The following SLC38A9 variants were observed in gnomAD, a reference collection of about 807,000 sequenced individuals.
The protein encoded by SLC38A9 is solute carrier family 38 member 9, also known as neutral amino acid transporter 9.
A neutral mutation model predicts 62.3 loss-of-function variants in SLC38A9; 48 were observed. That is an observed-to-expected ratio of 0.77 (90% CI 0.61 to 0.98). The LOEUF (loss-of-function observed/expected upper bound fraction) is 0.98. Among genes scored for constraint, SLC38A9 ranks in the 50% least tolerant of loss-of-function variants. The pLI is 0.00. For synonymous variants in SLC38A9, 204 were observed against 227.7 expected (o/e 0.90, Z 0.94); for missense variants, 541 against 679.8 (o/e 0.80, Z 2.27).
At chr5:55,695,016 G>GTGT (rs1449572407) in intron 3 of SLC38A9, among the ~76,000 whole-genome samples, 4 of 152,100 alleles carry the variant, frequency 2.6e-5, no homozygotes, top group Non-Finnish European at 5.9e-5. Context: ...GCCTCCCAAA[G>GTGT]TGTTGGGATT....
At position 55,627,994 on chromosome 5, in the gene SLC38A9, A is replaced by G; in HGVS notation, c.1431-14T>C. ...ACATGGAAAATGCTAGAAGTTGAGA[A>G]GAGAGTTTGGAAGAAAGAAAAAATA... is the stretch of plus-strand genomic sequence containing the variant. On this transcript the variant is annotated splice_polypyrimidine_tract_variant and intron_variant, in intron 14 of 15. Coordinates refer to ENST00000396865, the MANE Select transcript of SLC38A9 (RefSeq NM_173514.4). The G allele has an allele frequency of 6.3e-7, 1 of 1,588,130 alleles. No individual in the cohort carries two copies. The highest frequency in any genetic ancestry group is 8.6e-7 in the Non-Finnish European group (1 of 1,157,252).
At chr5:55,683,068 C>G (rs75907266) in intron 3 of SLC38A9, among the ~76,000 whole-genome samples, 1 of 151,582 alleles carries the variant, frequency 6.6e-6, no homozygotes, top group Non-Finnish European at 1.5e-5. Context: ...AGACAACTAG[C>G]GAATAACTTG....
chr5:55,643,129 G>A (rs1228761650), intron 12 of SLC38A9, among the ~76,000 whole-genome samples: 1 of 152,054 alleles, frequency 6.6e-6, no homozygotes, highest in Non-Finnish European at 1.5e-5. Context: ...GTTTGCCTTG[G>A]GTTTAGTTTG....
At chr5:55,708,104 A>G (rs1040822148) in intron 2 of SLC38A9, among the ~76,000 whole-genome samples, 1 of 152,178 alleles carries the variant, frequency 6.6e-6, no homozygotes, top group African/African-American at 2.4e-5. Context: ...CAAGAGACTG[A>G]GATAGGTCCC....
intron 11 of SLC38A9, among the ~76,000 whole-genome samples, chr5:55,646,662 G>A (rs76634255): frequency 3.9e-5 from 6 of 152,300 alleles, no homozygotes; most frequent in Non-Finnish European, 8.8e-5. Context: ...CAGTTGTGCA[G>A]TGGTATATGG....
intron 12 of SLC38A9, among the ~76,000 whole-genome samples, chr5:55,644,943 C>T (rs924161189): frequency 6.6e-6 from 1 of 151,950 alleles, no homozygotes; most frequent in Admixed American, 6.6e-5. Flanking sequence ...GTTCAATTCC[C>T]ATCTATGAGT....
intron 3 of SLC38A9, among the ~76,000 whole-genome samples, chr5:55,684,759 T>C (rs1419405334): frequency 6.6e-6 from 1 of 152,200 alleles, no homozygotes; most frequent in African/African-American, 2.4e-5. Context: ...GTTCAAGCGA[T>C]TCTCCTGCCT....
chr5:55,690,566 T>A lies in SLC38A9; in HGVS notation c.113+7280A>T, dbSNP rs149105815. Reference sequence around the variant, plus strand: ...CACTGATGTCAAGTTCCTCAAAATATAATTTATACAACTCTGGAAACCACC... The same window carrying A: ...CACTGATGTCAAGTTCCTCAAAATAAAATTTATACAACTCTGGAAACCACC... On this transcript the variant is annotated intron_variant, in intron 3 of 15. Transcript: ENST00000396865. Among the ~76,000 whole-genome samples, 62 of 152,324 alleles carry A rather than the reference T, an allele frequency of 4.1e-4. No individual in the cohort carries two copies. In the East Asian group the frequency reaches 0.012, roughly 29 times the overall value.
In SLC38A9 at chr5:55,669,870, C is replaced by T; in HGVS notation, c.256G>A (p.Asp86Asn). 6.3e-7 allele frequency: 1 copy of T among 1,585,670 alleles called. No individual in the cohort carries two copies. The highest frequency in any genetic ancestry group is 8.5e-7 in the Non-Finnish European group (1 of 1,171,622). Reference protein sequence around the residue: ...TPADKALIAPDHVVPAPEECY... With the variant: ...TPADKALIAPNHVVPAPEECY... ...TCTTCTGGAGCTGGAACTACATGGT[C>T]TGGGGCAATCTGGTAAAAAGGAAAC... Residue 86 changes from aspartate to asparagine, a missense_variant, in exon 5 of 16, where the codon GAC (aspartate) becomes AAC (asparagine). Coordinates refer to ENST00000396865, the MANE Select transcript of SLC38A9 (RefSeq NM_173514.4).
At chr5:55,631,420 A>C (rs1265457825) in intron 14 of SLC38A9, among the ~76,000 whole-genome samples, 1 of 152,248 alleles carries the variant, frequency 6.6e-6, no homozygotes, top group Non-Finnish European at 1.5e-5. Context: ...TATTGTAAAG[A>C]TAGCCACATT....
chr5:55,687,401 T>G (rs1754053953), intron 3 of SLC38A9, among the ~76,000 whole-genome samples: 1 of 111,774 alleles, frequency 8.9e-6, no homozygotes, highest in African/African-American at 3.5e-5. Context: ...CACTCCCGCC[T>G]GGGCGACAGA....
intron 2 of SLC38A9, 29 bp from the exon 3 acceptor site, chr5:55,698,021 T>G: frequency 1.2e-6 from 1 of 801,826 alleles, no homozygotes; most frequent in Non-Finnish European, 2.0e-6. Context: ...TAATTTAGTT[T>G]AATTTTAAAA....
intron 2 of SLC38A9, among the ~76,000 whole-genome samples, chr5:55,701,423 A>G (rs1756630334): frequency 1.3e-5 from 2 of 152,230 alleles, no homozygotes; most frequent in South Asian, 2.1e-4. Flanking sequence ...CAAAATTCTT[A>G]GAATCACTCA....
intron 3 of SLC38A9, among the ~76,000 whole-genome samples, chr5:55,677,926 TTGTGTGTGTGTGTG>T (rs10682261): frequency 8.9e-6 from 1 of 112,144 alleles, no homozygotes; most frequent in Non-Finnish European, 1.8e-5. Flanking sequence ...TTTTTCTTTA[TTGTGTGTGTGTGTG>T]TGTGTGTGTG....
At chr5:55,661,559 A>G (rs73127632) in intron 8 of SLC38A9, among the ~76,000 whole-genome samples, 4,783 of 152,160 alleles carry the variant, frequency 0.031, 93 homozygotes, top group African/African-American at 0.054. Context: ...ATACGCTACA[A>G]TATCAATTAC....
intron 9 of SLC38A9, among the ~76,000 whole-genome samples, chr5:55,654,217 C>G (rs567523883): frequency 6.6e-6 from 1 of 152,252 alleles, no homozygotes; most frequent in East Asian, 1.9e-4. Flanking sequence ...TGCCACAAAG[C>G]CAAACATTTA....
intron 3 of SLC38A9, chr5:55,673,247 T>A (rs546680480): frequency 6.6e-6 from 1 of 152,402 alleles, no homozygotes; most frequent in Admixed American, 6.5e-5. Flanking sequence ...AAATGGAACA[T>A]CATGACAATG....
At chr5:55,636,554 T>C (rs1165050941) in intron 12 of SLC38A9, among the ~76,000 whole-genome samples, 2 of 152,120 alleles carry the variant, frequency 1.3e-5, no homozygotes, top group South Asian at 2.1e-4. Flanking sequence ...GGAAACAAAT[T>C]AGAAAAAAAT....
chr5:55,707,344 T>C (rs1335264779), intron 2 of SLC38A9, among the ~76,000 whole-genome samples: 3 of 152,214 alleles, frequency 2.0e-5, no homozygotes, highest in African/African-American at 7.2e-5. Context: ...TAAATACTTC[T>C]ATAGTATTAA....
Sources: allele counts gnomAD v4.1 joint callset (sites outside exome capture counted in the v4.1 genomes callset), GRCh38; gene constraint gnomAD v4.1.1; transcripts MANE v1.5; gene names NCBI Gene and HGNC (gene_info 2026-07-23, HGNC 2026-07-21).